Variants in RECK observed in about 807,000 individuals in gnomAD.
RECK encodes reversion inducing cysteine rich protein with kazal motifs.
Under a neutral mutation model 115.1 loss-of-function variants are expected in RECK, and 69 were observed. That is an observed-to-expected ratio of 0.60 (90% CI 0.49 to 0.73). The LOEUF (loss-of-function observed/expected upper bound fraction) is 0.73, where lower values mean the gene tolerates loss of function less well. RECK is among the 30% of genes least tolerant of loss of function. The probability of loss-of-function intolerance (pLI) is 0.00; values close to 1 mark genes in which losing one functional copy is unlikely to be tolerated. For synonymous variants in RECK, 414 were observed against 419.7 expected, an observed-to-expected ratio of 0.99 and a Z score of 0.17; for missense variants, 1,047 against 1,203.7, an observed-to-expected ratio of 0.87 and a Z score of 1.93.
intron 2 of RECK, among the ~76,000 whole-genome samples, chr9:36,053,088 G>A (rs1273628622): frequency 3.3e-5 from 5 of 152,160 alleles, no homozygotes; most frequent in Non-Finnish European, 5.9e-5. Context: ...AATAGTTTGT[G>A]TATATATACA....
chr9:36,092,161 A>G (rs1823182952), intron 10 of RECK, among the ~76,000 whole-genome samples: 3 of 152,196 alleles, frequency 2.0e-5, no homozygotes. Context: ...AGTATTAGCC[A>G]GTAAAGACCT....
chr9:36,082,012 T>A (rs1288791382), intron 7 of RECK, among the ~76,000 whole-genome samples: 1 of 152,074 alleles, frequency 6.6e-6, no homozygotes, highest in African/African-American at 2.4e-5. Context: ...GTTTCTTTGG[T>A]TATGACTTTA....
chr9:36,075,643 T>G (rs1464181939), intron 6 of RECK, among the ~76,000 whole-genome samples: 1 of 152,212 alleles, frequency 6.6e-6, no homozygotes, highest in East Asian at 1.9e-4. Flanking sequence ...TAACCTCTCC[T>G]ACTTAGCATT....
At chr9:36,116,114 A>T (rs958782525) in intron 16 of RECK, among the ~76,000 whole-genome samples, 6 of 149,230 alleles carry the variant, frequency 4.0e-5, no homozygotes, top group African/African-American at 1.5e-4. Flanking sequence ...TTTTAGGACA[A>T]AGAGTGAGGC....
At chr9:36,045,276 G>GT (rs1821028020) in intron 1 of RECK, among the ~76,000 whole-genome samples, 1 of 152,118 alleles carries the variant, frequency 6.6e-6, no homozygotes, top group South Asian at 2.1e-4. Context: ...TTTCATGAAT[G>GT]TATTTATAAG....
intron 6 of RECK, among the ~76,000 whole-genome samples, chr9:36,073,821 T>C (rs928235346): frequency 6.6e-6 from 1 of 152,204 alleles, no homozygotes; most frequent in Non-Finnish European, 1.5e-5. Context: ...AAATTGTTTG[T>C]TCCACCTGGA....
chr9:36,093,528 T>C (rs1334720050), intron 10 of RECK, among the ~76,000 whole-genome samples: 3 of 152,048 alleles, frequency 2.0e-5, no homozygotes, highest in African/African-American at 7.2e-5. Flanking sequence ...ATAAATTTAT[T>C]GTAGGGAATG....
intron 1 of RECK, among the ~76,000 whole-genome samples, chr9:36,042,789 T>C (rs564392787): frequency 1.1e-4 from 16 of 152,284 alleles, no homozygotes; most frequent in African/African-American, 3.8e-4. Flanking sequence ...TTTACATTCC[T>C]ACCAGCAATG....
intron 7 of RECK, among the ~76,000 whole-genome samples, 155 bp from the exon 8 acceptor site, chr9:36,083,210 A>G (rs1267743525): frequency 6.6e-6 from 1 of 152,224 alleles, no homozygotes; most frequent in African/African-American, 2.4e-5. Context: ...CCCCGTGAGT[A>G]TACCTACAGA....
At chr9:36,060,303 G>A in intron 4 of RECK, 148 bp downstream of exon 4, 1 of 726,570 alleles carries the variant, frequency 1.4e-6, no homozygotes, top group Non-Finnish European at 2.3e-6. Flanking sequence ...TTTTTTCTAA[G>A]ACACAGTCTT....
intron 3 of RECK, 115 bp downstream of exon 3, chr9:36,059,016 A>T (rs1347583629): frequency 8.6e-6 from 5 of 578,950 alleles, no homozygotes; most frequent in Non-Finnish European, 1.4e-5. Flanking sequence ...GTCAAAATAA[A>T]ATGTTAAGTT....
chr9:36,040,277 G>A (rs1181951201), intron 1 of RECK, among the ~76,000 whole-genome samples: 3 of 152,198 alleles, frequency 2.0e-5, no homozygotes, highest in African/African-American at 7.2e-5. Flanking sequence ...AATTGTGTGA[G>A]TAGTTCTTTG....
chr9:36,046,466 A>G (rs991607877), intron 1 of RECK, among the ~76,000 whole-genome samples: 21 of 152,244 alleles, frequency 1.4e-4, no homozygotes, highest in African/African-American at 4.3e-4. Flanking sequence ...ATTTCAAAGG[A>G]AGAAAAATGT....
intron 2 of RECK, among the ~76,000 whole-genome samples, chr9:36,056,231 G>A (rs1821518704): frequency 7.2e-6 from 1 of 138,876 alleles, no homozygotes; most frequent in African/African-American, 2.5e-5. Flanking sequence ...AGCTACAAAT[G>A]ATATGTCATT....
Position 36,065,456 on chromosome 9 carries a change from G to T in RECK, c.358-121G>T, listed in dbSNP as rs181086947. ...GAAATTTAAAATATTTGAACATAAGGTTTTCCTTGATGAAATAAAGGATAC... is the reference window on the plus strand; with the variant it reads ...GAAATTTAAAATATTTGAACATAAGTTTTTCCTTGATGAAATAAAGGATAC... On this transcript the variant is annotated intron_variant, in intron 5 of 20. Transcript: ENST00000377966. The T allele has an allele frequency of 1.2e-4, 78 of 634,124 alleles. No individual in the cohort carries two copies. In the African/African-American group the frequency reaches 1.2e-3, roughly 10 times the overall value. 39.3% of individuals were successfully genotyped at this position (634,124 alleles called of 1,614,324 possible). A position where few individuals can be genotyped will look rare whatever the true frequency, so the allele number is the denominator to read the frequency against.
chr9:36,091,797 A>C (rs953210136), intron 10 of RECK, among the ~76,000 whole-genome samples: 4 of 152,232 alleles, frequency 2.6e-5, no homozygotes, highest in Admixed American at 6.5e-5. Context: ...CCAGGGTATC[A>C]AGTATCATTA....
intron 1 of RECK, among the ~76,000 whole-genome samples, chr9:36,045,982 C>T (rs1029571480): frequency 6.6e-6 from 1 of 152,114 alleles, no homozygotes. Flanking sequence ...ATTTTATAAT[C>T]ACAGACTATT....
chr9:36,084,760 G>C (rs1822880413), intron 8 of RECK, among the ~76,000 whole-genome samples: 1 of 151,838 alleles, frequency 6.6e-6, no homozygotes, highest in East Asian at 1.9e-4. Context: ...AAGGAAGGTA[G>C]GCCCGTCCGA....
intron 1 of RECK, among the ~76,000 whole-genome samples, chr9:36,042,426 G>GTA (rs1491145614): frequency 5.4e-5 from 2 of 36,946 alleles, no homozygotes; most frequent in Non-Finnish European, 8.8e-5. Context: ...ATTCCATAGT[G>GTA]TGTGTGTGTG....
Sources: gnomAD v4.1 joint callset for allele counts (sites outside exome capture counted in the v4.1 genomes callset) on GRCh38, gnomAD v4.1.1 for gene constraint, MANE v1.5 for transcripts, NCBI Gene and HGNC (gene_info 2026-07-23, HGNC 2026-07-21) for gene names.